FBXL7: variants seen among roughly 807,000 people sequenced by gnomAD.
FBXL7 encodes the protein F-box/LRR-repeat protein 7.
Under a neutral mutation model 38.3 loss-of-function variants are expected in FBXL7, and 12 were observed. That is an observed-to-expected ratio of 0.31 (90% CI 0.20 to 0.51). FBXL7 has a LOEUF of 0.51. Ranked by LOEUF, FBXL7 falls within the 20% of genes least tolerant of loss-of-function variation. The pLI, the probability that FBXL7 is intolerant of heterozygous loss-of-function variation, is 0.98. For synonymous variants in FBXL7, 297 were observed against 300.9 expected (o/e 0.99, Z 0.13); for missense variants, 567 against 676.4 (o/e 0.84, Z 1.79).
intron 1 of FBXL7, among the ~76,000 whole-genome samples, chr5:15,548,338 T>C (rs1395383043): frequency 6.6e-6 from 1 of 152,216 alleles, no homozygotes; most frequent in Non-Finnish European, 1.5e-5. Context: ...GTTTATGTTC[T>C]GGAATGTACA....
chr5:15,711,982 C>T (rs55645871), intron 2 of FBXL7, among the ~76,000 whole-genome samples: 3 of 152,166 alleles, frequency 2.0e-5, no homozygotes, highest in Admixed American at 2.0e-4. Flanking sequence ...ATGCACTCAT[C>T]TGAAATGCCA....
intron 2 of FBXL7, among the ~76,000 whole-genome samples, chr5:15,650,390 T>C (rs1282052758): frequency 1.3e-5 from 2 of 152,250 alleles, no homozygotes; most frequent in Admixed American, 6.5e-5. Context: ...TGAGGTGTCA[T>C]TGAGTCACAT....
chr5:15,834,680 T>C (rs1485473138), intron 2 of FBXL7, among the ~76,000 whole-genome samples: 1 of 152,240 alleles, frequency 6.6e-6, no homozygotes, highest in African/African-American at 2.4e-5. Flanking sequence ...AACTGGCTTC[T>C]CTTCAAGAAG....
intron 1 of FBXL7, among the ~76,000 whole-genome samples, chr5:15,562,267 T>C (rs1422008289): frequency 6.6e-6 from 1 of 152,100 alleles, no homozygotes; most frequent in Admixed American, 6.6e-5. Flanking sequence ...ACAGTGAGGT[T>C]ACATCAAACT....
chr5:15,777,504 C>T (rs985762033), intron 2 of FBXL7, among the ~76,000 whole-genome samples: 2 of 151,784 alleles, frequency 1.3e-5, no homozygotes, highest in African/African-American at 4.8e-5. Flanking sequence ...ATTTAATTAG[C>T]ATGAAATGGT....
chr5:15,779,497 A>G (rs140897255), intron 2 of FBXL7, among the ~76,000 whole-genome samples: 1 of 152,222 alleles, frequency 6.6e-6, no homozygotes, highest in East Asian at 1.9e-4. Flanking sequence ...TTAAAAAGCT[A>G]TCAAAAAAAG....
At chr5:15,536,460 G>T (rs190063125) in intron 1 of FBXL7, among the ~76,000 whole-genome samples, 161 of 152,342 alleles carry the variant, frequency 1.1e-3, no homozygotes, top group African/African-American at 3.8e-3. Flanking sequence ...AAGGCCTTCA[G>T]AGCCCATATC....
At chr5:15,537,008 A>G (rs993066964) in intron 1 of FBXL7, among the ~76,000 whole-genome samples, 11 of 152,098 alleles carry the variant, frequency 7.2e-5, no homozygotes, top group African/African-American at 2.4e-4. Context: ...TGATGGTTTA[A>G]AAGTGTTTGG....
rs144684857 is a variant in FBXL7, at chr5:15,859,036, G to A, written c.128-68854G>A. On this transcript the variant is annotated intron_variant, in intron 2 of 3. Transcript: ENST00000504595. Reference sequence around the variant, plus strand: ...TCTTCCTCACATTATTTAAAGTTAGGTTTTCAAATCCAATACTTACGATCA... The same window carrying A: ...TCTTCCTCACATTATTTAAAGTTAGATTTTCAAATCCAATACTTACGATCA... 3.5e-3 allele frequency among the ~76,000 whole-genome samples: 537 copies of A among 152,146 alleles called. 4 individuals are homozygous for A. The highest frequency in any genetic ancestry group is 0.012 in the African/African-American group (518 of 41,506).
chr5:15,684,073 AT>A (rs1177215531), intron 2 of FBXL7, among the ~76,000 whole-genome samples: 1 of 152,132 alleles, frequency 6.6e-6, no homozygotes, highest in African/African-American at 2.4e-5. Context: ...TTAAATTCTA[AT>A]TTTAACATGC....
chr5:15,746,407 T>TAA (rs1736015326), intron 2 of FBXL7, among the ~76,000 whole-genome samples: 6 of 152,214 alleles, frequency 3.9e-5, no homozygotes, highest in Non-Finnish European at 7.3e-5. Context: ...CTGGGTGGGT[T>TAA]ATACACTATG....
chr5:15,658,169 C>A (rs1012782970), intron 2 of FBXL7, among the ~76,000 whole-genome samples: 1 of 152,304 alleles, frequency 6.6e-6, no homozygotes, highest in East Asian at 1.9e-4. Context: ...GAACAAGATG[C>A]ATCAGAGTAG....
Position 15,784,716 on chromosome 5 carries a change from C to T in FBXL7, c.128-143174C>T, listed in dbSNP as rs542361797. Among the ~76,000 whole-genome samples, 19 of 152,264 alleles carry T rather than the reference C, an allele frequency of 1.2e-4. No homozygotes were observed. In the South Asian group the frequency reaches 3.9e-3, roughly 32 times the overall value. Reference sequence around the variant, plus strand: ...ATGTAACATGCCAGATCCTGCTTCACCTTCTGCTGTGTGTAAAAGCTCCCT... The same window carrying T: ...ATGTAACATGCCAGATCCTGCTTCATCTTCTGCTGTGTGTAAAAGCTCCCT... On this transcript the variant is annotated intron_variant, in intron 2 of 3. Transcript: ENST00000504595.
intron 1 of FBXL7, among the ~76,000 whole-genome samples, chr5:15,536,429 G>A (rs902179643): frequency 6.6e-6 from 1 of 152,232 alleles, no homozygotes; most frequent in Non-Finnish European, 1.5e-5. Flanking sequence ...GCCCTGCAGA[G>A]CGACAGAGGT....
chr5:15,525,702 G>C (rs1737233013), intron 1 of FBXL7, among the ~76,000 whole-genome samples: 1 of 152,126 alleles, frequency 6.6e-6, no homozygotes, highest in South Asian at 2.1e-4. Flanking sequence ...TATTGTATGA[G>C]AGAAGGCGAT....
At chr5:15,810,770 A>G (rs1737839853) in intron 2 of FBXL7, among the ~76,000 whole-genome samples, 1 of 152,160 alleles carries the variant, frequency 6.6e-6, no homozygotes, top group South Asian at 2.1e-4. Context: ...AAATTGTAAT[A>G]GTGTTTGTTT....
In FBXL7 at chr5:15,854,814, G is replaced by A. The variant is rs368338286; in HGVS notation, c.128-73076G>A. ...TTTTTAGTCAAGTTCTGTTTTGAGT[G>A]AGCATTTGATGGTTATTCCCTTCTC... On this transcript the variant is annotated intron_variant, in intron 2 of 3. Transcript: ENST00000504595. 9.6e-4 allele frequency among the ~76,000 whole-genome samples: 146 copies of A among 152,164 alleles called. 4 individuals carry two copies. The highest frequency in any genetic ancestry group is 3.4e-3 in the African/African-American group (142 of 41,506).
chr5:15,743,763 C>T (rs779316517), intron 2 of FBXL7, among the ~76,000 whole-genome samples: 8 of 152,378 alleles, frequency 5.3e-5, no homozygotes, highest in East Asian at 1.9e-4. Context: ...ACCTCTGCAG[C>T]AGACTTCTAC....
intron 1 of FBXL7, among the ~76,000 whole-genome samples, chr5:15,516,949 G>T (rs370313785): frequency 1.3e-5 from 2 of 152,014 alleles, no homozygotes; most frequent in African/African-American, 4.8e-5. Flanking sequence ...CCTAGTCTTG[G>T]GTATGTCTTT....
Sources: allele counts gnomAD v4.1 joint callset (sites outside exome capture counted in the v4.1 genomes callset), GRCh38; gene constraint gnomAD v4.1.1; transcripts MANE v1.5; gene names NCBI Gene and HGNC (gene_info 2026-07-23, HGNC 2026-07-21).